The following RASAL2 variants were observed in gnomAD, a reference collection of about 807,000 sequenced individuals.
RASAL2 encodes ras GTPase-activating protein nGAP.
In RASAL2, 58 loss-of-function variants were observed where a neutral mutation model predicts 128.9. The observed-to-expected ratio is 0.45, with a 90% CI of 0.36 to 0.56. The LOEUF is 0.56. RASAL2 is among the 20% of genes least tolerant of loss of function. The pLI, the probability that RASAL2 is intolerant of heterozygous loss-of-function variation, is 0.00. For missense variants in RASAL2, 1,360 were observed against 1,601.6 expected, an observed-to-expected ratio of 0.85 and a Z score of 2.57; for synonymous variants, 561 against 580.8, an observed-to-expected ratio of 0.97 and a Z score of 0.49.
At chr1:178,205,205 A>G (rs1324204399) in intron 1 of RASAL2, among the ~76,000 whole-genome samples, 1 of 152,022 alleles carries the variant, frequency 6.6e-6, no homozygotes, top group African/African-American at 2.4e-5. Context: ...GGGTTTCACC[A>G]TGTTGGCCAG....
intron 1 of RASAL2, among the ~76,000 whole-genome samples, chr1:178,246,475 G>A (rs1040026310): frequency 3.9e-5 from 6 of 152,112 alleles, no homozygotes; most frequent in South Asian, 2.1e-4. Flanking sequence ...GGGCTGAGAC[G>A]ATGGGATTTT....
intron 1 of RASAL2, among the ~76,000 whole-genome samples, chr1:178,257,463 A>G (rs968330392): frequency 8.0e-6 from 1 of 124,938 alleles, no homozygotes; most frequent in Admixed American, 8.0e-5. Flanking sequence ...GTGTAGAAAT[A>G]AAATCAAGTG....
At chr1:178,276,330 T>G (rs1666509083) in intron 1 of RASAL2, among the ~76,000 whole-genome samples, 2 of 152,262 alleles carry the variant, frequency 1.3e-5, no homozygotes, top group South Asian at 4.1e-4. Context: ...TAAGTAAAAT[T>G]AAACTTTACT....
At chr1:178,280,336 T>A (rs2102204239) in intron 1 of RASAL2, among the ~76,000 whole-genome samples, 1 of 152,208 alleles carries the variant, frequency 6.6e-6, no homozygotes, top group African/African-American at 2.4e-5. Flanking sequence ...TGCAAAAATA[T>A]AAAAGAGTCG....
Position 178,474,805 on chromosome 1 carries a change from C to T in RASAL2, c.*1566C>T, listed in dbSNP as rs967759002. ...TAAAAGGGTCTCAAACCTCTTTAAG[C>T]AAGATCTAAGTAGTTGTTTTATATT... On this transcript the variant is annotated 3_prime_UTR_variant, in exon 18 of 18. Coordinates refer to ENST00000367649, the MANE Select transcript of RASAL2 (RefSeq NM_170692.4). 6.6e-6 allele frequency: 1 copy of T among 151,912 alleles called. No homozygotes were observed. Among genetic ancestry groups the T allele is most frequent in the Non-Finnish European group, 1.5e-5 (1 of 68,004 alleles). The allele number at this position is 151,912 out of a possible 1,614,324, so 9.4% of individuals were successfully genotyped here.
At chr1:178,196,917 T>G (rs944443754) in intron 1 of RASAL2, among the ~76,000 whole-genome samples, 1 of 152,230 alleles carries the variant, frequency 6.6e-6, no homozygotes, top group South Asian at 2.1e-4. Flanking sequence ...TAAAAAATGT[T>G]GACATTAGTG....
At chr1:178,276,676 C>T (rs1666530357) in intron 1 of RASAL2, among the ~76,000 whole-genome samples, 1 of 151,892 alleles carries the variant, frequency 6.6e-6, no homozygotes, top group Non-Finnish European at 1.5e-5. Flanking sequence ...TGTGCCCAGC[C>T]TGTTACAGTT....
chr1:178,339,759 T>C (rs1013835845), intron 3 of RASAL2, among the ~76,000 whole-genome samples: 14 of 152,216 alleles, frequency 9.2e-5, no homozygotes, highest in Non-Finnish European at 1.2e-4. Context: ...ATCCATCTTA[T>C]GTGGTCCTGG....
rs1204204431 is a variant in RASAL2 at position 178,476,261 on chromosome 1, A to C, written c.*3022A>C. 2 of 152,224 alleles carry C rather than the reference A, an allele frequency of 1.3e-5. No individual in the cohort carries two copies. The highest frequency in any genetic ancestry group is 2.9e-5 in the Non-Finnish European group (2 of 68,036). The allele number at this position is 152,224 out of a possible 1,614,324, so 9.4% of individuals were successfully genotyped here. ...ACAACAGACTTGACCATTAATGAGG[A>C]CAGTGTTGGTAGGAGTCAGAAAAGA... On this transcript the variant is annotated 3_prime_UTR_variant, in exon 18 of 18. Transcript: ENST00000367649.
At chr1:178,340,528 A>G (rs2102402252) in intron 3 of RASAL2, among the ~76,000 whole-genome samples, 1 of 152,328 alleles carries the variant, frequency 6.6e-6, no homozygotes, top group East Asian at 1.9e-4. Flanking sequence ...TACTATCTAT[A>G]ATTTCATTGC....
At chr1:178,207,068 G>A (rs1663074924) in intron 1 of RASAL2, among the ~76,000 whole-genome samples, 1 of 150,940 alleles carries the variant, frequency 6.6e-6, no homozygotes, top group African/African-American at 2.4e-5. Flanking sequence ...TGTAGTCCAA[G>A]CTACTCGGGA....
intron 1 of RASAL2, among the ~76,000 whole-genome samples, chr1:178,236,078 A>G (rs1664221491): frequency 6.6e-6 from 1 of 152,074 alleles, no homozygotes; most frequent in Admixed American, 6.6e-5. Flanking sequence ...CTCATTTTCC[A>G]GATACTGGAA....
chr1:178,382,779 A>G (rs998484881), intron 3 of RASAL2, among the ~76,000 whole-genome samples: 2 of 152,216 alleles, frequency 1.3e-5, no homozygotes, highest in African/African-American at 4.8e-5. Flanking sequence ...TGCACCAAAC[A>G]TGACAGTTTG....
At chr1:178,116,818 G>C (rs911894115) in intron 1 of RASAL2, among the ~76,000 whole-genome samples, 28 of 152,036 alleles carry the variant, frequency 1.8e-4, no homozygotes, top group Admixed American at 1.6e-3. Context: ...CACCGTGTTA[G>C]CCAGGATGAC....
chr1:178,143,795 T>G (rs910340242), intron 1 of RASAL2, among the ~76,000 whole-genome samples: 1 of 151,418 alleles, frequency 6.6e-6, no homozygotes, highest in Non-Finnish European at 1.5e-5. Context: ...CATGTATTAC[T>G]TATACAATTA....
chr1:178,453,596 T>C (rs914796615), intron 11 of RASAL2, among the ~76,000 whole-genome samples: 4 of 152,132 alleles, frequency 2.6e-5, no homozygotes, highest in Non-Finnish European at 4.4e-5. Flanking sequence ...ACAGCAGATA[T>C]ATTTGGGTAG....
intron 3 of RASAL2, among the ~76,000 whole-genome samples, chr1:178,328,812 A>G (rs1045856128): frequency 1.3e-5 from 2 of 152,112 alleles, no homozygotes; most frequent in African/African-American, 4.8e-5. Flanking sequence ...TTACCATGGT[A>G]TTTTCCTACT....
chr1:178,428,178 C>T (rs1218446188), intron 5 of RASAL2, among the ~76,000 whole-genome samples: 1 of 151,878 alleles, frequency 6.6e-6, no homozygotes, highest in African/African-American at 2.4e-5. Flanking sequence ...ACCATTCAGC[C>T]ATTGAAAGAC....
At chr1:178,192,228 A>G (rs1662518822) in intron 1 of RASAL2, among the ~76,000 whole-genome samples, 1 of 152,150 alleles carries the variant, frequency 6.6e-6, no homozygotes, top group East Asian at 1.9e-4. Context: ...TGTCCCTCCA[A>G]CTGTTAATAT....
Sources: gnomAD v4.1 joint callset for allele counts (sites outside exome capture counted in the v4.1 genomes callset) on GRCh38, gnomAD v4.1.1 for gene constraint, MANE v1.5 for transcripts, NCBI Gene and HGNC (gene_info 2026-07-23, HGNC 2026-07-21) for gene names.